Variants in CA10 observed in about 807,000 individuals in gnomAD.
CA10 encodes carbonic anhydrase-related protein 10.
A neutral mutation model predicts 44.2 loss-of-function variants in CA10; 14 were observed. That is an observed-to-expected ratio of 0.32 (90% CI 0.21 to 0.50). The LOEUF (loss-of-function observed/expected upper bound fraction) is 0.50. CA10 is among the 20% of genes least tolerant of loss of function. The pLI is 0.99. For missense variants in CA10, 350 were observed against 409.7 expected, an observed-to-expected ratio of 0.85 and a Z score of 1.26; for synonymous variants, 159 against 141.6, an observed-to-expected ratio of 1.12 and a Z score of -0.87.
At chr17:51,728,949 T>G (rs1181291606) in intron 4 of CA10, among the ~76,000 whole-genome samples, 1 of 152,156 alleles carries the variant, frequency 6.6e-6, no homozygotes, top group African/African-American at 2.4e-5. Context: ...CAGTTTCAGC[T>G]GATATCCAAA....
chr17:51,655,944 C>T (rs543427057), intron 4 of CA10, among the ~76,000 whole-genome samples: 13 of 152,220 alleles, frequency 8.5e-5, no homozygotes, highest in Admixed American at 2.6e-4. Flanking sequence ...GCTCTGCCTC[C>T]GCAGGACTTT....
intron 2 of CA10, among the ~76,000 whole-genome samples, chr17:52,035,584 A>G (rs531452085): frequency 4.6e-5 from 7 of 152,340 alleles, no homozygotes; most frequent in African/African-American, 1.7e-4. Context: ...AGCTGTTAAC[A>G]TTTAAGCCAT....
Position 51,668,675 on chromosome 17 carries a change from C to G in CA10, c.466-14939G>C, listed in dbSNP as rs866055761. ...GGCCTCTGCATCCACTCTGGCCACA[C>G]TTGAGGAGCCCTTCAGCCCGCTGCT... On this transcript the variant is annotated intron_variant, in intron 4 of 8. Coordinates refer to ENST00000451037, the MANE Select transcript of CA10 (RefSeq NM_020178.5). 2.0e-5 allele frequency among the ~76,000 whole-genome samples: 3 copies of G among 152,318 alleles called. No homozygotes were observed. The East Asian group carries it at 5.8e-4, about 29-fold the overall frequency.
At chr17:52,052,275 C>A (rs907936422) in intron 2 of CA10, among the ~76,000 whole-genome samples, 1 of 141,658 alleles carries the variant, frequency 7.1e-6, no homozygotes, top group Non-Finnish European at 1.5e-5. Flanking sequence ...ACTTGTACCC[C>A]TGAACTTAAA....
At chr17:52,014,207 C>T (rs879813578) in intron 2 of CA10, among the ~76,000 whole-genome samples, 1 of 150,726 alleles carries the variant, frequency 6.6e-6, no homozygotes, top group African/African-American at 2.4e-5. Context: ...AGGAAAGCAC[C>T]AAGACAAGTG....
At chr17:51,913,695 CAT>C (rs1476163472) in intron 3 of CA10, among the ~76,000 whole-genome samples, 3 of 152,026 alleles carry the variant, frequency 2.0e-5, no homozygotes, top group Admixed American at 6.6e-5. Context: ...TCCAAGGAAA[CAT>C]ATGTCTCCCA....
chr17:51,777,082 C>T (rs1905849842), intron 3 of CA10, among the ~76,000 whole-genome samples: 1 of 151,960 alleles, frequency 6.6e-6, no homozygotes, highest in Admixed American at 6.6e-5. Context: ...ATAGACTGAA[C>T]AAAATGAGAG....
At chr17:52,055,346 GAAA>G (rs10719126) in intron 2 of CA10, among the ~76,000 whole-genome samples, 2 of 122,806 alleles carry the variant, frequency 1.6e-5, no homozygotes, top group African/African-American at 2.9e-5. Flanking sequence ...TCCTTCTGGT[GAAA>G]AAAAAAAAAA....
At chr17:52,013,929 G>T (rs1434738935) in intron 2 of CA10, among the ~76,000 whole-genome samples, 1 of 151,812 alleles carries the variant, frequency 6.6e-6, no homozygotes, top group Non-Finnish European at 1.5e-5. Flanking sequence ...CTGTTAATTC[G>T]TGTAAGCATA....
intron 3 of CA10, among the ~76,000 whole-genome samples, chr17:51,774,156 C>T (rs1313395341): frequency 6.6e-6 from 1 of 152,106 alleles, no homozygotes; most frequent in Non-Finnish European, 1.5e-5. Context: ...CGTTGTCATG[C>T]CTGTGTGACT....
chr17:52,054,348 G>A (rs553385646), intron 2 of CA10, among the ~76,000 whole-genome samples: 4 of 152,106 alleles, frequency 2.6e-5, no homozygotes, highest in African/African-American at 9.6e-5. Context: ...GGAAATTCCC[G>A]CCTAATAAAT....
At chr17:51,997,918 A>G (rs932074127) in intron 2 of CA10, among the ~76,000 whole-genome samples, 7 of 152,098 alleles carry the variant, frequency 4.6e-5, no homozygotes, top group Non-Finnish European at 1.0e-4. Flanking sequence ...AAGAAAGTCA[A>G]CATAAGCTGT....
rs1332753179 is a variant in CA10, at chr17:52,027,325, G to A, written c.136+44994C>T. On this transcript the variant is annotated intron_variant, in intron 2 of 8. Coordinates refer to ENST00000451037, the MANE Select transcript of CA10 (RefSeq NM_020178.5). ...TGTTGCTGCTCACTTCCTGCTGTGCGGCCCAGTTCCTAACAGGCCTCTGAC... is the reference window on the plus strand; with the variant it reads ...TGTTGCTGCTCACTTCCTGCTGTGCAGCCCAGTTCCTAACAGGCCTCTGAC... 3.3e-5 allele frequency among the ~76,000 whole-genome samples: 5 copies of A among 152,046 alleles called. No individual in the cohort carries two copies. The South Asian group carries it at 6.2e-4, about 19-fold the overall frequency.
intron 2 of CA10, among the ~76,000 whole-genome samples, chr17:52,004,663 T>C (rs1985538778): frequency 6.6e-6 from 1 of 151,934 alleles, no homozygotes; most frequent in South Asian, 2.1e-4. Flanking sequence ...TTATCTTACC[T>C]TATTTTCACA....
chr17:51,948,358 G>A (rs1228419380), intron 2 of CA10, among the ~76,000 whole-genome samples: 2 of 152,146 alleles, frequency 1.3e-5, no homozygotes, highest in Non-Finnish European at 2.9e-5. Context: ...TTCCAGCGAT[G>A]GGTCATTGCC....
At chr17:51,660,620 T>A (rs1376279100) in intron 4 of CA10, among the ~76,000 whole-genome samples, 1 of 152,200 alleles carries the variant, frequency 6.6e-6, no homozygotes, top group East Asian at 1.9e-4. Context: ...TCTCAGACCT[T>A]AGATCACCTT....
intron 2 of CA10, among the ~76,000 whole-genome samples, chr17:52,008,059 GTCTC>G (rs1399924898): frequency 3.3e-5 from 5 of 151,518 alleles, no homozygotes; most frequent in East Asian, 3.9e-4. Flanking sequence ...TACTCATTCA[GTCTC>G]TCTTTTTTCT....
At chr17:51,904,772 T>G (rs1981470454) in intron 3 of CA10, among the ~76,000 whole-genome samples, 1 of 152,124 alleles carries the variant, frequency 6.6e-6, no homozygotes, top group African/African-American at 2.4e-5. Context: ...GGAGCCTCTA[T>G]CCTACGCTGC....
chr17:52,030,802 C>T (rs1021416963), intron 2 of CA10, among the ~76,000 whole-genome samples: 3 of 152,108 alleles, frequency 2.0e-5, no homozygotes, highest in Non-Finnish European at 2.9e-5. Flanking sequence ...AAACTTCAGG[C>T]TCCCAGCCTT....
Sources: allele counts gnomAD v4.1 joint callset (sites outside exome capture counted in the v4.1 genomes callset), GRCh38; gene constraint gnomAD v4.1.1; transcripts MANE v1.5; gene names NCBI Gene and HGNC (gene_info 2026-07-23, HGNC 2026-07-21).